TMEM132C: variants seen among roughly 807,000 people sequenced by gnomAD.
TMEM132C encodes transmembrane protein 132C, also known as protein phosphatase 1, regulatory subunit 152.
In TMEM132C, 29 loss-of-function variants were observed where a neutral mutation model predicts 61.4. The ratio of observed to expected loss-of-function variants is 0.47; its 90% CI spans 0.35 to 0.64. The LOEUF is 0.64. Among genes scored for constraint, TMEM132C ranks in the 30% least tolerant of loss-of-function variants. The probability of loss-of-function intolerance (pLI) is 0.00; values close to 1 mark genes in which losing one functional copy is unlikely to be tolerated. For synonymous variants in TMEM132C, 656 were observed against 633.1 expected (o/e 1.04, Z -0.54); for missense variants, 1,408 against 1,476.9 (o/e 0.95, Z 0.76).
intron 4 of TMEM132C, among the ~76,000 whole-genome samples, chr12:128,641,658 A>T (rs977654091): frequency 6.6e-6 from 1 of 152,064 alleles, no homozygotes; most frequent in Non-Finnish European, 1.5e-5. Context: ...CCCCACCAAC[A>T]CCTTGATCGT....
At chr12:128,356,819 C>T (rs1387359683) in intron 1 of TMEM132C, among the ~76,000 whole-genome samples, 1 of 152,230 alleles carries the variant, frequency 6.6e-6, no homozygotes, top group Non-Finnish European at 1.5e-5. Context: ...TTGTGCTTGT[C>T]AGTTATGGGG....
At chr12:128,307,186 A>G (rs1339746374) in intron 1 of TMEM132C, among the ~76,000 whole-genome samples, 1 of 152,192 alleles carries the variant, frequency 6.6e-6, no homozygotes, top group Admixed American at 6.5e-5. Context: ...TAGAAACCTT[A>G]TCGCCTGGTT....
In TMEM132C at chr12:128,415,317, C is replaced by T; in HGVS notation, c.671C>T (p.Thr224Ile). 1 of 1,591,634 alleles carries T rather than the reference C, an allele frequency of 6.3e-7. No homozygotes were observed. The highest frequency in any genetic ancestry group is 8.6e-7 in the Non-Finnish European group (1 of 1,168,412). The part of the protein sequence containing the change: ...RKKSMDQPEG[T>I]PVELYYTVHP... ...AAGTCCATGGACCAGCCGGAGGGGA[C>T]CCCTGTGGAGCTCTACTACACCGTG... Residue 224 changes from threonine (T) to isoleucine (I), a missense_variant, in exon 2 of 9, where the codon ACC becomes ATC. By Grantham distance (89) the Thr-to-Ile change is moderately conservative. Transcript: ENST00000435159. This position sits in a 1 kb window ranked among gnomAD's most constrained non-coding sequence, Gnocchi z 5.8.
intron 2 of TMEM132C, among the ~76,000 whole-genome samples, chr12:128,437,004 G>A (rs543418881): frequency 2.2e-4 from 34 of 152,288 alleles, no homozygotes; most frequent in African/African-American, 8.2e-4. Flanking sequence ...TAGGGACATG[G>A]ATGAAGCTGG....
intron 1 of TMEM132C, among the ~76,000 whole-genome samples, chr12:128,386,804 A>G (rs543835655): frequency 1.5e-4 from 23 of 152,258 alleles, no homozygotes; most frequent in African/African-American, 4.6e-4. Context: ...GATGCTCAGT[A>G]TTTGTTGAGT....
intron 4 of TMEM132C, among the ~76,000 whole-genome samples, chr12:128,639,851 C>G (rs1037259301): frequency 6.6e-6 from 1 of 152,160 alleles, no homozygotes; most frequent in Non-Finnish European, 1.5e-5. Context: ...ATGTGTAAGT[C>G]CACTGTGGCT....
intron 1 of TMEM132C, among the ~76,000 whole-genome samples, chr12:128,376,943 C>T (rs1874211106): frequency 6.6e-6 from 1 of 152,232 alleles, no homozygotes; most frequent in Admixed American, 6.5e-5. Flanking sequence ...ACATCCAGCT[C>T]TGGAAACATC....
At chr12:128,576,920 A>T (rs1043030512) in intron 3 of TMEM132C, among the ~76,000 whole-genome samples, 2 of 151,990 alleles carry the variant, frequency 1.3e-5, no homozygotes, top group African/African-American at 4.8e-5. Flanking sequence ...GGTACATTTT[A>T]TTGAGATACA....
At position 128,414,863 on chromosome 12, in the gene TMEM132C, C is replaced by G; in HGVS notation, c.217C>G (p.Arg73Gly). 1 of 1,550,880 alleles carries G rather than the reference C, an allele frequency of 6.4e-7. No individual in the cohort carries two copies. The highest frequency in any genetic ancestry group is 8.7e-7 in the Non-Finnish European group (1 of 1,147,108). Residue 73 changes from arginine (R) to glycine (G), a missense_variant, in exon 2 of 9, where the codon CGG (arginine) becomes GGG (glycine). Transcript: ENST00000435159. ...FLKEANQDLLRNSSLQARVES... is the reference protein window; with the variant it reads ...FLKEANQDLLGNSSLQARVES... Reference sequence around the variant, plus strand: ...CAAGGAAGCCAACCAGGACCTGCTGCGGAACTCCAGCCTGCAGGCGAGGGT... The same window carrying G: ...CAAGGAAGCCAACCAGGACCTGCTGGGGAACTCCAGCCTGCAGGCGAGGGT...
chr12:128,507,322 G>A (rs1036189334), intron 2 of TMEM132C, among the ~76,000 whole-genome samples: 6 of 151,758 alleles, frequency 4.0e-5, no homozygotes, highest in Admixed American at 1.3e-4. Context: ...TTTTAGGATC[G>A]AGAGAGAGAA....
intron 1 of TMEM132C, among the ~76,000 whole-genome samples, chr12:128,276,282 T>G (rs1337774557): frequency 6.6e-6 from 1 of 152,244 alleles, no homozygotes. Context: ...CACAGTACAA[T>G]ACAATGGAAA....
At chr12:128,303,790 G>T (rs994345700) in intron 1 of TMEM132C, among the ~76,000 whole-genome samples, 1 of 152,152 alleles carries the variant, frequency 6.6e-6, no homozygotes, top group Non-Finnish European at 1.5e-5. Flanking sequence ...GTGTTGGCCA[G>T]TAGGATGAGT....
At chr12:128,449,035 G>A (rs773987513) in intron 2 of TMEM132C, among the ~76,000 whole-genome samples, 4 of 150,698 alleles carry the variant, frequency 2.7e-5, no homozygotes, top group Non-Finnish European at 5.9e-5. Flanking sequence ...TACTCGGGAG[G>A]CTGAGACAGG....
chr12:128,310,449 T>G (rs1871930712), intron 1 of TMEM132C, among the ~76,000 whole-genome samples: 1 of 152,064 alleles, frequency 6.6e-6, no homozygotes. Flanking sequence ...TGGTAAAGCC[T>G]CATGGAGCTT....
chr12:128,491,547 G>T lies in TMEM132C; in HGVS notation c.975-52410G>T, dbSNP rs947582485. Among the ~76,000 whole-genome samples the T allele has an allele frequency of 3.9e-5, 6 of 152,292 alleles. No homozygotes were observed. The South Asian group carries it at 8.3e-4, about 21-fold the overall frequency. On this transcript the variant is annotated intron_variant, in intron 2 of 8. Coordinates refer to ENST00000435159, the MANE Select transcript of TMEM132C (RefSeq NM_001136103.3). ...CAGCCCAATGGATTCCCTGAGAGCT[G>T]CAAGCACACGAGAAACTTTTTAAAA... is the stretch of plus-strand genomic sequence containing the variant.
rs547411461 is a variant in TMEM132C, at chr12:128,320,033, G to GA, written c.85+52554dup. Among the ~76,000 whole-genome samples, 417 of 151,888 alleles carry GA rather than the reference G, an allele frequency of 2.7e-3. 4 individuals are homozygous for GA. The highest frequency in any genetic ancestry group is 9.4e-3 in the African/African-American group (391 of 41,446). ...TCAAGGATATTGAAAAAGAAAGAAAGAAAAAAAACCTGTTGAATCAGCCCT... is the reference window on the plus strand; with the variant it reads ...TCAAGGATATTGAAAAAGAAAGAAAGAAAAAAAAACCTGTTGAATCAGCCCT... On this transcript the variant is annotated intron_variant, in intron 1 of 8. Coordinates refer to ENST00000435159, the MANE Select transcript of TMEM132C (RefSeq NM_001136103.3).
chr12:128,663,770 C>T (rs1377821734), intron 4 of TMEM132C, among the ~76,000 whole-genome samples: 1 of 151,884 alleles, frequency 6.6e-6, no homozygotes, highest in Non-Finnish European at 1.5e-5. Flanking sequence ...AGGCCTGCCA[C>T]ATCAATATCA....
intron 1 of TMEM132C, among the ~76,000 whole-genome samples, chr12:128,276,916 A>ACACACACACACACACACACACAC (rs1566039193): frequency 6.6e-6 from 1 of 151,444 alleles, no homozygotes; most frequent in African/African-American, 2.4e-5. Flanking sequence ...ACACACACAC[A>ACACACACACACACACACACACAC]ATTCTAGGCT....
At chr12:128,663,912 GCACA>G (rs1482335786) in intron 4 of TMEM132C, among the ~76,000 whole-genome samples, 1 of 138,516 alleles carries the variant, frequency 7.2e-6, no homozygotes, top group African/African-American at 2.8e-5. Flanking sequence ...ACGCACACAG[GCACA>G]CACACCTGCA....
Sources: gnomAD v4.1 joint callset for allele counts (sites outside exome capture counted in the v4.1 genomes callset) on GRCh38, gnomAD v4.1.1 for gene constraint, Gnocchi (gnomAD v3.1) non-coding constraint, MANE v1.5 for transcripts, NCBI Gene and HGNC (gene_info 2026-07-23, HGNC 2026-07-21) for gene names.